Variants in STXBP5L observed in about 807,000 individuals in gnomAD.
The protein encoded by STXBP5L is syntaxin binding protein 5L.
Under a neutral mutation model 144.5 loss-of-function variants are expected in STXBP5L, and 65 were observed. That is an observed-to-expected ratio of 0.45 (90% CI 0.37 to 0.55). STXBP5L has a LOEUF of 0.55. STXBP5L is among the 20% of genes least tolerant of loss of function. The pLI, the probability that STXBP5L is intolerant of heterozygous loss-of-function variation, is 0.00. For missense variants in STXBP5L, 1,298 were observed against 1,405.5 expected (o/e 0.92, Z 1.22); for synonymous variants, 505 against 469.6 (o/e 1.08, Z -0.97).
intron 5 of STXBP5L, among the ~76,000 whole-genome samples, chr3:121,099,958 CAGATA>C (rs2043327857): frequency 6.6e-5 from 10 of 152,084 alleles, no homozygotes; most frequent in Admixed American, 6.6e-4. Flanking sequence ...ATTCTCATAT[CAGATA>C]AAACAGACTT....
intron 3 of STXBP5L, among the ~76,000 whole-genome samples, chr3:120,992,860 T>G (rs1488489025): frequency 2.6e-5 from 4 of 152,128 alleles, no homozygotes; most frequent in African/African-American, 9.7e-5. Context: ...TATTTTTAGC[T>G]TTTTGAGGAA....
At chr3:120,913,209 A>G (rs1708937113) in intron 2 of STXBP5L, among the ~76,000 whole-genome samples, 2 of 152,040 alleles carry the variant, frequency 1.3e-5, no homozygotes, top group Admixed American at 1.3e-4. Flanking sequence ...ACTCTTTGAA[A>G]AGCAAATAAT....
At chr3:121,175,018 G>A (rs2046878320) in intron 9 of STXBP5L, among the ~76,000 whole-genome samples, 1 of 152,124 alleles carries the variant, frequency 6.6e-6, no homozygotes, top group Non-Finnish European at 1.5e-5. Flanking sequence ...CTGGAAGAGG[G>A]AGAGAAACAC....
intron 5 of STXBP5L, among the ~76,000 whole-genome samples, chr3:121,074,326 T>C (rs2041932112): frequency 6.6e-6 from 1 of 152,230 alleles, no homozygotes; most frequent in Admixed American, 6.5e-5. Context: ...GCATATAATG[T>C]AGCTGCAACT....
At chr3:120,955,076 G>A (rs968974434) in intron 3 of STXBP5L, 39 bp downstream of exon 3, 4 of 1,353,598 alleles carry the variant, frequency 3.0e-6, no homozygotes, top group African/African-American at 1.4e-5. Context: ...CCACAGTAAT[G>A]CCAATTACAT....
intron 9 of STXBP5L, among the ~76,000 whole-genome samples, chr3:121,166,728 T>C (rs1398582252): frequency 1.3e-5 from 2 of 152,182 alleles, no homozygotes; most frequent in African/African-American, 4.8e-5. Context: ...TCAATATTAA[T>C]ACATAGAGTA....
intron 20 of STXBP5L, among the ~76,000 whole-genome samples, chr3:121,373,416 G>A (rs2046090083): frequency 1.3e-5 from 2 of 152,178 alleles, no homozygotes; most frequent in Admixed American, 1.3e-4. Context: ...ATTCGTGCTG[G>A]GACCTCTGGG....
At chr3:121,351,495 G>A (rs2045280992) in intron 20 of STXBP5L, among the ~76,000 whole-genome samples, 1 of 152,178 alleles carries the variant, frequency 6.6e-6, no homozygotes, top group Non-Finnish European at 1.5e-5. Flanking sequence ...CTTCTTTTGA[G>A]AAGTGTCTGT....
intron 11 of STXBP5L, among the ~76,000 whole-genome samples, chr3:121,232,066 AGACAGC>A (rs1198510272): frequency 6.6e-6 from 1 of 152,222 alleles, no homozygotes; most frequent in African/African-American, 2.4e-5. Flanking sequence ...TGACTGGAAC[AGACAGC>A]GACCCTGAGT....
At chr3:121,050,966 C>T (rs961099286) in intron 5 of STXBP5L, among the ~76,000 whole-genome samples, 1 of 151,974 alleles carries the variant, frequency 6.6e-6, no homozygotes, top group African/African-American at 2.4e-5. Flanking sequence ...TTTAAACCAA[C>T]AAAGATCAAA....
intron 5 of STXBP5L, among the ~76,000 whole-genome samples, chr3:121,095,729 G>C (rs187862328): frequency 6.6e-6 from 1 of 151,962 alleles, no homozygotes. Flanking sequence ...CGATGGGTTC[G>C]AACTTCCTCC....
Position 121,121,625 on chromosome 3 carries a change from T to C in STXBP5L, c.606-16T>C. ...AATGTTTGGTTTTTAATTACTGTTT[T>C]GAATTGATTTAACAGATCCACTAAG... is the stretch of plus-strand genomic sequence containing the variant. On this transcript the variant is annotated splice_polypyrimidine_tract_variant and intron_variant, in intron 6 of 26. Coordinates refer to ENST00000471454, the MANE Select transcript of STXBP5L (RefSeq NM_001308330.2). 6.3e-7 allele frequency: 1 copy of C among 1,582,296 alleles called. No individual in the cohort carries two copies. The highest frequency in any genetic ancestry group is 1.1e-5 in the South Asian group (1 of 87,416).
chr3:120,974,248 A>G (rs967827889), intron 3 of STXBP5L, among the ~76,000 whole-genome samples: 1 of 152,036 alleles, frequency 6.6e-6, no homozygotes, highest in African/African-American at 2.4e-5. Flanking sequence ...CTGGTGTGAG[A>G]TGGTATCTCA....
At chr3:121,301,407 CTT>C (rs1313377688) in intron 19 of STXBP5L, among the ~76,000 whole-genome samples, 1 of 152,152 alleles carries the variant, frequency 6.6e-6, no homozygotes, top group East Asian at 1.9e-4. Context: ...TATCCTGAGA[CTT>C]TGCTGAAGTT....
At chr3:121,375,981 A>G (rs759431005) in intron 20 of STXBP5L, among the ~76,000 whole-genome samples, 19 of 152,214 alleles carry the variant, frequency 1.2e-4, no homozygotes, top group Middle Eastern at 3.2e-3. Flanking sequence ...ATGCATTGCC[A>G]AGTTTTTAAG....
chr3:121,328,515 GAGGC>G (rs2044222651), intron 20 of STXBP5L, among the ~76,000 whole-genome samples: 1 of 152,146 alleles, frequency 6.6e-6, no homozygotes, highest in Non-Finnish European at 1.5e-5. Context: ...TTGGGAGGCC[GAGGC>G]AGGTAGATTT....
At chr3:121,312,040 A>G (rs548686227) in intron 19 of STXBP5L, among the ~76,000 whole-genome samples, 5 of 152,338 alleles carry the variant, frequency 3.3e-5, no homozygotes, top group African/African-American at 9.6e-5. Context: ...ATAACGCTGC[A>G]TATCTACGAC....
At chr3:121,344,078 C>T (rs1309244545) in intron 20 of STXBP5L, among the ~76,000 whole-genome samples, 1 of 151,440 alleles carries the variant, frequency 6.6e-6, no homozygotes, top group Non-Finnish European at 1.5e-5. Flanking sequence ...ACAACAGAGC[C>T]CTCAGAAATA....
intron 5 of STXBP5L, among the ~76,000 whole-genome samples, chr3:121,047,467 C>G (rs557773903): frequency 2.0e-5 from 3 of 152,178 alleles, no homozygotes; most frequent in African/African-American, 7.2e-5. Context: ...AAGTCTCCCA[C>G]TATTATTGTG....
Sources: allele counts gnomAD v4.1 joint callset (sites outside exome capture counted in the v4.1 genomes callset), GRCh38; gene constraint gnomAD v4.1.1; transcripts MANE v1.5; gene names NCBI Gene and HGNC (gene_info 2026-07-23, HGNC 2026-07-21).